The following NNT variants were observed in gnomAD, a reference collection of about 807,000 sequenced individuals.
The protein encoded by NNT is nicotinamide nucleotide transhydrogenase.
NNT carries 50 observed loss-of-function variants against 104.8 expected under a neutral mutation model. The observed-to-expected ratio is 0.48, with a 90% confidence interval of 0.38 to 0.60. The LOEUF is 0.60. Among genes scored for constraint, NNT ranks in the 20% least tolerant of loss-of-function variants. NNT has a pLI of 0.00. For synonymous variants in NNT, 461 were observed against 490.4 expected (o/e 0.94, Z 0.79); for missense variants, 1,131 against 1,330.7 (o/e 0.85, Z 2.33).
intron 10 of NNT, among the ~76,000 whole-genome samples, chr5:43,647,039 CA>C (rs1739481961): frequency 6.6e-6 from 1 of 152,012 alleles, no homozygotes; most frequent in African/African-American, 2.4e-5. Flanking sequence ...AGAGCCAAAA[CA>C]AAAACAAAAC....
chr5:43,647,876 T>G (rs1327215373), intron 10 of NNT: 2 of 454,592 alleles, frequency 4.4e-6, no homozygotes, highest in African/African-American at 4.1e-5. Context: ...AGCTCATTTA[T>G]TTTTTACAAG....
At position 43,655,961 on chromosome 5, in the gene NNT, A is replaced by T. The variant is rs1740022297; in HGVS notation, c.2181A>T (p.Pro727=). 1 of 1,614,088 alleles carries T rather than the reference A, an allele frequency of 6.2e-7. No homozygotes were observed. ...TAGCTGAGTACATTATAGAATATCC[A>T]CATTTTGCTACGGATGCAGCAGCAA... The part of the protein sequence containing the change: ...TCIAEYIIEY[P]HFATDAAANL... Residue 727 remains proline, a synonymous_variant, in exon 15 of 22, where the codon CCA becomes CCT. Transcript: ENST00000344920.
intron 19 of NNT, among the ~76,000 whole-genome samples, chr5:43,697,321 C>G (rs1742609954): frequency 1.3e-5 from 2 of 152,122 alleles, no homozygotes; most frequent in East Asian, 1.9e-4. Flanking sequence ...GCCCCAGTTC[C>G]CAACAAGTTC....
At position 43,675,369 on chromosome 5, in the gene NNT, G is replaced by C. The variant is rs1017863986; in HGVS notation, c.2635-142G>C. ...TTTTTGAAGTGATTTTCAGAAACCA[G>C]CTGAAATTTATCTGATTAAAGTGTT... On this transcript the variant is annotated intron_variant, in intron 17 of 21. Transcript: ENST00000344920. 4.8e-6 allele frequency: 3 copies of C among 625,012 alleles called. No individual in the cohort carries two copies. In the African/African-American group the frequency reaches 5.7e-5, roughly 12 times the overall value. 38.7% of individuals were successfully genotyped at this position (625,012 alleles called of 1,614,324 possible).
At chr5:43,646,411 TCCTGAGTAG>T (rs1338874894) in intron 10 of NNT, among the ~76,000 whole-genome samples, 1 of 151,848 alleles carries the variant, frequency 6.6e-6, no homozygotes, top group Non-Finnish European at 1.5e-5. Flanking sequence ...CACTTCAGCC[TCCTGAGTAG>T]CTGGGACTAC....
intron 6 of NNT, among the ~76,000 whole-genome samples, chr5:43,625,691 C>T (rs1043251290): frequency 6.6e-6 from 1 of 151,968 alleles, no homozygotes; most frequent in Non-Finnish European, 1.5e-5. Context: ...TAGGAGATAC[C>T]CCTCTTAGCA....
intron 17 of NNT, among the ~76,000 whole-genome samples, chr5:43,662,937 T>C (rs1036094686): frequency 3.3e-5 from 5 of 151,666 alleles, no homozygotes; most frequent in Admixed American, 2.0e-4. Flanking sequence ...ATGTTTAATG[T>C]AGGAAATTTG....
At position 43,649,299 on chromosome 5, in the gene NNT, G is replaced by A; in HGVS notation, c.1597G>A (p.Ala533Thr). ...CTCACCACTGATGTCTGTGACAAAT[G>A]CAATCTCAGGTTTGTTCCTCTCTTG... is the stretch of plus-strand genomic sequence containing the variant. ...LHSPLMSVTNAISGLTAVGGL... is the reference protein window; with the variant it reads ...LHSPLMSVTNTISGLTAVGGL... Residue 533 changes from alanine to threonine, a missense_variant, in exon 11 of 22, where the codon GCA (alanine) becomes ACA (threonine). Physicochemically the swap from Ala to Thr is moderately conservative, Grantham distance 58. Coordinates refer to ENST00000344920, the MANE Select transcript of NNT (RefSeq NM_182977.3). 2 of 1,614,092 alleles carry A rather than the reference G, an allele frequency of 1.2e-6. No individual in the cohort carries two copies. The highest frequency in any genetic ancestry group is 4.5e-5 in the East Asian group (2 of 44,876).
chr5:43,666,412 G>A (rs1740686122), intron 17 of NNT, among the ~76,000 whole-genome samples: 3 of 152,192 alleles, frequency 2.0e-5, no homozygotes, highest in Non-Finnish European at 4.4e-5. Context: ...CCAACACGGC[G>A]AAACCCCGTC....
rs752584791 is a variant in NNT, at chr5:43,707,251, AAG to A, written c.*2852_*2853del. The A allele has an allele frequency of 6.6e-6, 1 of 152,192 alleles. No homozygotes were observed. The highest frequency in any genetic ancestry group is 1.5e-5 in the Non-Finnish European group (1 of 68,032). The allele number at this position is 152,192 out of a possible 1,614,324, so 9.4% of individuals were successfully genotyped here. ...ATATATTGTATTCTTGAAAAATTCTAAGAGAGTGGATGTGAAGTGTTCTCACC... is the reference window on the plus strand; with the variant it reads ...ATATATTGTATTCTTGAAAAATTCTAAGAGTGGATGTGAAGTGTTCTCACC... On this transcript the variant is annotated 3_prime_UTR_variant, in exon 22 of 22. Coordinates refer to ENST00000344920, the MANE Select transcript of NNT (RefSeq NM_182977.3).
chr5:43,644,460 T>C (rs41271077), intron 8 of NNT, 135 bp downstream of exon 8: 49,908 of 1,208,218 alleles, frequency 0.041, 1,536 homozygotes, highest in African/African-American at 0.15. Flanking sequence ...TTAAAGCTCC[T>C]GTTGAAATAT....
At chr5:43,642,956 A>G (rs1751314098) in intron 7 of NNT, among the ~76,000 whole-genome samples, 1 of 152,094 alleles carries the variant, frequency 6.6e-6, no homozygotes, top group Admixed American at 6.6e-5. Context: ...ATGGAGTTTC[A>G]CTCTGTTGTC....
At position 43,639,649 on chromosome 5, in the gene NNT, A is replaced by C. The variant is rs114852195; in HGVS notation, c.965-4543A>C. Among the ~76,000 whole-genome samples the C allele has an allele frequency of 5.6e-3, 860 of 152,228 alleles. 6 individuals are homozygous for C. Among genetic ancestry groups the C allele is most frequent in the African/African-American group, 0.019 (781 of 41,552 alleles). On this transcript the variant is annotated intron_variant, in intron 7 of 21. Coordinates refer to ENST00000344920, the MANE Select transcript of NNT (RefSeq NM_182977.3). ...ATATGGGAGGCACTAAATAAGTATTAATTATGTCAATGAATGAATGAATAT... is the reference window on the plus strand; with the variant it reads ...ATATGGGAGGCACTAAATAAGTATTCATTATGTCAATGAATGAATGAATAT...
chr5:43,699,432 C>T (rs1209850792), intron 19 of NNT, among the ~76,000 whole-genome samples: 1 of 147,872 alleles, frequency 6.8e-6, no homozygotes, highest in Admixed American at 6.8e-5. Flanking sequence ...TAGCTCACTG[C>T]AATCTCCTCC....
intron 17 of NNT, among the ~76,000 whole-genome samples, chr5:43,669,987 G>C (rs1027351816): frequency 6.6e-6 from 1 of 151,910 alleles, no homozygotes; most frequent in Non-Finnish European, 1.5e-5. Context: ...CAGGGATTCA[G>C]CTTCTTCCTG....
At position 43,628,202 on chromosome 5, in the gene NNT, C is replaced by G. The variant is rs1482866407; in HGVS notation, c.779C>G (p.Ala260Gly). 1 of 1,606,134 alleles carries G rather than the reference C, an allele frequency of 6.2e-7. No homozygotes were observed. Among genetic ancestry groups the G allele is most frequent in the Non-Finnish European group, 8.5e-7 (1 of 1,176,882 alleles). The change falls in exon 7 of 22, where the codon GCT becomes GGT. Residue 260 changes from alanine (A) to glycine (G), a missense_variant and splice_region_variant. Physicochemically the swap from Ala to Gly is moderately conservative, Grantham distance 60. Transcript: ENST00000344920. ...TTCCACTTTAACAATCACCCTAGAGCTGCAGCTTTGGAACAGTTCAAGTCT... is the reference window on the plus strand; with the variant it reads ...TTCCACTTTAACAATCACCCTAGAGGTGCAGCTTTGGAACAGTTCAAGTCT... ...GAIVRGFDTR[A>G]AALEQFKSLG...
At position 43,677,712 on chromosome 5, in the gene NNT, A is replaced by T. The variant is rs1435254734; in HGVS notation, c.2795-13A>T. The T allele has an allele frequency of 6.2e-7, 1 of 1,609,640 alleles. No individual in the cohort carries two copies. Among genetic ancestry groups the T allele is most frequent in the Non-Finnish European group, 8.5e-7 (1 of 1,176,258 alleles). ...AAAAACACATTCTTCTGTGTTCTTA[A>T]TGTTCCTTGCAGGCTATGGTCTCTG... is the stretch of plus-strand genomic sequence containing the variant. On this transcript the variant is annotated splice_polypyrimidine_tract_variant and intron_variant, in intron 18 of 21. Coordinates refer to ENST00000344920, the MANE Select transcript of NNT (RefSeq NM_182977.3).
chr5:43,656,229 C>T (rs1374847009), intron 15 of NNT, among the ~76,000 whole-genome samples, 156 bp downstream of exon 15: 2 of 152,094 alleles, frequency 1.3e-5, no homozygotes, highest in Non-Finnish European at 2.9e-5. Context: ...CTCTCAAGCC[C>T]AGGAGTTCAA....
chr5:43,649,305 T>G lies in NNT; in HGVS notation c.1603T>G (p.Ser535Ala), dbSNP rs1401758114. ...SPLMSVTNAI[S>A]GLTAVGGLAL... Reference sequence around the variant, plus strand: ...ACTGATGTCTGTGACAAATGCAATCTCAGGTTTGTTCCTCTCTTGTTTTTC... The same window carrying G: ...ACTGATGTCTGTGACAAATGCAATCGCAGGTTTGTTCCTCTCTTGTTTTTC... Residue 535 changes from serine to alanine, a missense_variant, in exon 11 of 22, where the codon TCA becomes GCA. Coordinates refer to ENST00000344920, the MANE Select transcript of NNT (RefSeq NM_182977.3). The G allele has an allele frequency of 6.2e-7, 1 of 1,614,036 alleles. No homozygotes were observed. Among genetic ancestry groups the G allele is most frequent in the South Asian group, 1.1e-5 (1 of 91,066 alleles).
Sources: gnomAD v4.1 joint callset for allele counts (sites outside exome capture counted in the v4.1 genomes callset) on GRCh38, gnomAD v4.1.1 for gene constraint, MANE v1.5 for transcripts, NCBI Gene and HGNC (gene_info 2026-07-23, HGNC 2026-07-21) for gene names.